ASPM: variants seen among roughly 807,000 people sequenced by gnomAD.
The protein encoded by ASPM is abnormal spindle-like microcephaly-associated protein.
ASPM carries 256 observed loss-of-function variants against 366.4 expected under a neutral mutation model. The ratio of observed to expected loss-of-function variants is 0.70; its 90% CI spans 0.63 to 0.77. ASPM has a LOEUF of 0.77. Among genes scored for constraint, ASPM ranks in the 30% least tolerant of loss-of-function variants. The pLI is 0.00. For missense variants in ASPM, 4,146 were observed against 4,090.4 expected (o/e 1.01, Z -0.37); for synonymous variants, 1,414 against 1,342.9 (o/e 1.05, Z -1.16).
Position 197,100,739 on chromosome 1 carries a change from A to T in ASPM, c.8512T>A (p.Cys2838Ser). The change falls in exon 18 of 28, where the codon TGT becomes AGT. Residue 2838 changes from cysteine (C) to serine (S), a missense_variant. Physicochemically the swap from Cys to Ser is moderately radical, Grantham distance 112. Coordinates refer to ENST00000367409, the MANE Select transcript of ASPM (RefSeq NM_018136.5). ...AAGAACTGAATCCGTAGGGCAGCAC[A>T]TTTCTGTGTTTCCAGTTTTCTTGTG... is the stretch of plus-strand genomic sequence containing the variant. ...MVTRKLETQK[C>S]AALRIQFFLQ... 1 of 1,612,468 alleles carries T rather than the reference A, an allele frequency of 6.2e-7. No individual in the cohort carries two copies. The highest frequency in any genetic ancestry group is 8.5e-7 in the Non-Finnish European group (1 of 1,179,092).
chr1:197,125,730 T>A (rs1480407541), intron 10 of ASPM, among the ~76,000 whole-genome samples: 1 of 152,046 alleles, frequency 6.6e-6, no homozygotes. Flanking sequence ...GTTTCCACAG[T>A]AATTCCTATA....
In ASPM at chr1:197,139,288, CA is replaced by C; in HGVS notation, c.2026+478del. The C allele has an allele frequency of 6.6e-6, 6 of 902,558 alleles. No homozygotes were observed. The South Asian group carries it at 7.9e-5, about 12-fold the overall frequency. The allele number at this position is 902,558 out of a possible 1,614,324, so 55.9% of individuals were successfully genotyped here. On this transcript the variant is annotated intron_variant, in intron 4 of 27. Transcript: ENST00000367409. ...TTCACTTCATCCATACTCCCTACCA[CA>C]GCAAAGGATAACAGCCCATGTTTTT...
At chr1:197,124,708 T>C (rs113826300) in intron 12 of ASPM, among the ~76,000 whole-genome samples, 162 bp downstream of exon 12, 5 of 151,064 alleles carry the variant, frequency 3.3e-5, no homozygotes, top group African/African-American at 1.2e-4. Flanking sequence ...TATATACACA[T>C]ATATATACAT....
intron 17 of ASPM, among the ~76,000 whole-genome samples, chr1:197,107,515 C>A (rs1657450470): frequency 6.6e-6 from 1 of 151,922 alleles, no homozygotes; most frequent in Non-Finnish European, 1.5e-5. Context: ...TTCCAGAATG[C>A]AATTAAAAAT....
Position 197,101,078 on chromosome 1 carries a change from A to G in ASPM, c.8173T>C (p.Tyr2725His). The G allele has an allele frequency of 6.2e-7, 1 of 1,611,818 alleles. No homozygotes were observed. The highest frequency in any genetic ancestry group is 8.5e-7 in the Non-Finnish European group (1 of 1,178,812). ...TTTCTTTCTGTTTTTACTCTAACAT[A>G]CAACCTATAATAATTCTGTATAACC... ...IVVIQNYYRL[Y>H]VRVKTERKNF... The change falls in exon 18 of 28, where the codon TAT becomes CAT. Residue 2725 changes from tyrosine (Y) to histidine (H), a missense_variant. Physicochemically the swap from Tyr to His is moderately conservative, Grantham distance 83 (BLOSUM62 2). Transcript: ENST00000367409.
chr1:197,093,647 T>C (rs1268727168), intron 20 of ASPM, among the ~76,000 whole-genome samples: 4 of 151,770 alleles, frequency 2.6e-5, no homozygotes, highest in South Asian at 4.1e-4. Context: ...TGAAAAAACA[T>C]AGCATACCAC....
rs111245720 is a variant in ASPM, at chr1:197,098,785, G to A, written c.8820+1646C>T. Reference sequence around the variant, plus strand: ...CACTCATTTTATGTATTGTTCCTTGGTGATCTCATTATTCCCAGAACTTTA... The same window carrying A: ...CACTCATTTTATGTATTGTTCCTTGATGATCTCATTATTCCCAGAACTTTA... On this transcript the variant is annotated intron_variant, in intron 18 of 27. Coordinates refer to ENST00000367409, the MANE Select transcript of ASPM (RefSeq NM_018136.5). Among the ~76,000 whole-genome samples the A allele has an allele frequency of 4.2e-3, 641 of 151,492 alleles. 5 individuals carry two copies. The highest frequency in any genetic ancestry group is 0.015 in the African/African-American group (625 of 41,354).
chr1:197,135,368 C>T, intron 4 of ASPM, 126 bp from the exon 5 acceptor site: 1 of 988,196 alleles, frequency 1.0e-6, no homozygotes, highest in South Asian at 1.4e-5. Flanking sequence ...TTTTCTACTA[C>T]TTGCAGGAAA....
chr1:197,122,703 T>C, intron 13 of ASPM, 108 bp from the exon 14 acceptor site: 1 of 1,099,720 alleles, frequency 9.1e-7, no homozygotes, highest in South Asian at 1.3e-5. Context: ...GAGTGACAAA[T>C]CTACAAGGCA....
rs975250457 is a variant in ASPM, at chr1:197,144,086, A to C, written c.312T>G (p.Ile104Met). 1.2e-5 allele frequency: 20 copies of C among 1,604,356 alleles called. No homozygotes were observed. The highest frequency in any genetic ancestry group is 1.7e-5 in the Non-Finnish European group (20 of 1,171,700). Reference sequence around the variant, plus strand: ...GTGGTGTCCAGTTAACAGAAATAACAATTTTCTCTTTAGGCTATAATCAAA... The same window carrying C: ...GTGGTGTCCAGTTAACAGAAATAACCATTTTCTCTTTAGGCTATAATCAAA... The part of the protein sequence containing the change: ...RCFVLQPKEK[I>M]VISVNWTPLK... Residue 104 changes from isoleucine (I) to methionine (M), a missense_variant, in exon 2 of 28, where the codon ATT becomes ATG. Transcript: ENST00000367409.
intron 1 of ASPM, among the ~76,000 whole-genome samples, chr1:197,144,395 T>C (rs566529795): frequency 6.6e-6 from 1 of 152,338 alleles, no homozygotes; most frequent in East Asian, 1.9e-4. Flanking sequence ...AAAGATTTAA[T>C]TGTACATTTC....
At chr1:197,139,152 T>C (rs1658505745) in intron 4 of ASPM, 9 of 925,398 alleles carry the variant, frequency 9.7e-6, no homozygotes, top group African/African-American at 6.7e-5. Context: ...ATTTTCCACA[T>C]TGGTACAAAG....
In ASPM at chr1:197,088,420, T is replaced by A. The variant is rs1656668647; in HGVS notation, c.9997A>T (p.Thr3333Ser). The A allele has an allele frequency of 6.2e-7, 1 of 1,600,412 alleles. No individual in the cohort carries two copies. The highest frequency in any genetic ancestry group is 1.1e-5 in the South Asian group (1 of 90,682). ...LLNVSKYEKT[T>S]SAVYDVENCI... ...TTTTCTACATCATAAACTGCTGAAG[T>A]AGTTTTCTCATACTTGAAGAGAACA... The change falls in exon 26 of 28, where the codon ACT (threonine) becomes TCT (serine). Residue 3333 changes from threonine to serine, a missense_variant. Coordinates refer to ENST00000367409, the MANE Select transcript of ASPM (RefSeq NM_018136.5).
intron 4 of ASPM, among the ~76,000 whole-genome samples, chr1:197,136,265 G>A (rs1195214409): frequency 6.6e-6 from 1 of 152,028 alleles, no homozygotes; most frequent in Non-Finnish European, 1.5e-5. Context: ...TGAAATAAAT[G>A]AACTCTAGGC....
chr1:197,138,750 A>C, intron 4 of ASPM: 1 of 717,462 alleles, frequency 1.4e-6, no homozygotes, highest in East Asian at 2.5e-5. Context: ...AGAAACGATT[A>C]TTTCTTACGA....
Position 197,122,057 on chromosome 1 carries a change from A to C in ASPM, c.3742-14T>G, listed in dbSNP as rs769077803. 1.9e-6 allele frequency: 3 copies of C among 1,610,720 alleles called. No individual in the cohort carries two copies. Among genetic ancestry groups the C allele is most frequent in the Non-Finnish European group, 1.7e-6 (2 of 1,177,714 alleles). On this transcript the variant is annotated splice_polypyrimidine_tract_variant and intron_variant, in intron 15 of 27. Coordinates refer to ENST00000367409, the MANE Select transcript of ASPM (RefSeq NM_018136.5). The stretch of plus-strand genomic sequence containing the variant: ...GGTAATAACCACCTAAAAAAAACCC[A>C]CAAAAGATAAAAACAGAATATCAAC...
rs747148100 is a variant in ASPM, at chr1:197,133,584, T to TAGC, written c.2182_2184dup (p.Ala728dup). On this transcript the variant is annotated inframe_insertion, in exon 6 of 28. Coordinates refer to ENST00000367409, the MANE Select transcript of ASPM (RefSeq NM_018136.5). ...TGATTCTCTATTCCCAAAAGAAGAG[T>TAGC]AGCAGCATTTACTGGGTAAAAACAA... 6.2e-7 allele frequency: 1 copy of TAGC among 1,612,878 alleles called. No individual in the cohort carries two copies. Among genetic ancestry groups the TAGC allele is most frequent in the Non-Finnish European group, 8.5e-7 (1 of 1,179,028 alleles).
chr1:197,089,162 C>A (rs1429288242), intron 25 of ASPM, among the ~76,000 whole-genome samples: 1 of 151,944 alleles, frequency 6.6e-6, no homozygotes, highest in Non-Finnish European at 1.5e-5. Context: ...CTATAATAAG[C>A]TACTGAGCTG....
intron 17 of ASPM, among the ~76,000 whole-genome samples, chr1:197,108,217 G>A (rs1316182325): frequency 6.7e-6 from 1 of 150,186 alleles, no homozygotes. Context: ...TGAACTGAAT[G>A]AAAAAAAAAT....
Sources: allele counts gnomAD v4.1 joint callset (sites outside exome capture counted in the v4.1 genomes callset), GRCh38; gene constraint gnomAD v4.1.1; transcripts MANE v1.5; gene names NCBI Gene and HGNC (gene_info 2026-07-23, HGNC 2026-07-21).